CTNNA3: variants seen among roughly 807,000 people sequenced by gnomAD.
CTNNA3 encodes the protein catenin alpha 3, also known as catenin alpha-3.
CTNNA3 carries 76 observed loss-of-function variants against 95.7 expected under a neutral mutation model. The ratio of observed to expected loss-of-function variants is 0.79; its 90% CI spans 0.66 to 0.96. The LOEUF (loss-of-function observed/expected upper bound fraction) is 0.96. Among genes scored for constraint, CTNNA3 ranks in the 40% least tolerant of loss-of-function variants. The pLI, the probability that CTNNA3 is intolerant of heterozygous loss-of-function variation, is 0.00. For synonymous variants in CTNNA3, 431 were observed against 374.4 expected (o/e 1.15, Z -1.74); for missense variants, 1,191 against 1,089.8 (o/e 1.09, Z -1.31).
At chr10:67,431,431 C>T (rs1231028840) in intron 5 of CTNNA3, among the ~76,000 whole-genome samples, 2 of 151,956 alleles carry the variant, frequency 1.3e-5, no homozygotes, top group Admixed American at 1.3e-4. Context: ...TTTAGTCCTT[C>T]TAACAAACCC....
chr10:67,174,293 T>A (rs577182695), intron 7 of CTNNA3, among the ~76,000 whole-genome samples: 45 of 152,304 alleles, frequency 3.0e-4, no homozygotes, highest in African/African-American at 1.1e-3. Flanking sequence ...TAAGAGAGAT[T>A]AGTACATTAG....
At chr10:66,883,325 G>A (rs1844917319) in intron 7 of CTNNA3, among the ~76,000 whole-genome samples, 1 of 152,100 alleles carries the variant, frequency 6.6e-6, no homozygotes, top group Non-Finnish European at 1.5e-5. Flanking sequence ...GACAGGCTGA[G>A]TGGGGGAAGA....
At chr10:66,704,916 T>C (rs1351583489) in intron 9 of CTNNA3, among the ~76,000 whole-genome samples, 1 of 152,158 alleles carries the variant, frequency 6.6e-6, no homozygotes, top group Admixed American at 6.6e-5. Flanking sequence ...CTTTCCTTAG[T>C]GCACTGGCTA....
intron 11 of CTNNA3, among the ~76,000 whole-genome samples, chr10:66,416,142 T>C (rs2093144121): frequency 6.6e-6 from 1 of 152,102 alleles, no homozygotes; most frequent in African/African-American, 2.4e-5. Flanking sequence ...AGAAATCCTA[T>C]AAATGGAGAA....
rs532643840 is a variant in CTNNA3 at position 67,537,412 on chromosome 10, C to T, written c.459+2091G>A. Among the ~76,000 whole-genome samples the T allele has an allele frequency of 3.9e-5, 6 of 152,152 alleles. No individual in the cohort carries two copies. The South Asian group carries it at 1.0e-3, about 26-fold the overall frequency. ...AAGAATTGAATTAAAAGAAATAATC[C>T]AGCACAGTGTTTGGCACATTATAAA... On this transcript the variant is annotated intron_variant, in intron 4 of 17. Coordinates refer to ENST00000433211, the MANE Select transcript of CTNNA3 (RefSeq NM_013266.4).
chr10:66,471,217 C>T (rs1210629730), intron 11 of CTNNA3, among the ~76,000 whole-genome samples: 2 of 151,708 alleles, frequency 1.3e-5, no homozygotes, highest in Non-Finnish European at 2.9e-5. Flanking sequence ...AATAATTTGA[C>T]ACTTTATTTC....
intron 7 of CTNNA3, among the ~76,000 whole-genome samples, chr10:66,921,620 T>C (rs898017636): frequency 6.6e-6 from 1 of 152,198 alleles, no homozygotes; most frequent in African/African-American, 2.4e-5. Flanking sequence ...TATATACATT[T>C]AAGTCTCACA....
At chr10:67,221,571 T>A (rs1254798373) in intron 5 of CTNNA3, among the ~76,000 whole-genome samples, 2 of 140,700 alleles carry the variant, frequency 1.4e-5, no homozygotes, top group Non-Finnish European at 2.9e-5. Context: ...ATAGGAAAAA[T>A]TTTTTTCTTT....
At chr10:67,321,201 A>G (rs1429430291) in intron 5 of CTNNA3, among the ~76,000 whole-genome samples, 1 of 152,234 alleles carries the variant, frequency 6.6e-6, no homozygotes, top group Non-Finnish European at 1.5e-5. Context: ...TAATTATTCA[A>G]TCACCAATCC....
intron 2 of CTNNA3, among the ~76,000 whole-genome samples, chr10:67,632,390 CG>C (rs1365473464): frequency 2.6e-5 from 4 of 151,902 alleles, no homozygotes; most frequent in African/African-American, 9.7e-5. Context: ...ACCTCGCTGC[CG>C]GCACCAAGAT....
chr10:67,005,406 T>C (rs1291749948), intron 7 of CTNNA3, among the ~76,000 whole-genome samples: 1 of 152,124 alleles, frequency 6.6e-6, no homozygotes, highest in East Asian at 1.9e-4. Flanking sequence ...TCCTAGTTCA[T>C]TTCCTTCATT....
At chr10:66,741,595 G>C (rs1463330358) in intron 9 of CTNNA3, among the ~76,000 whole-genome samples, 1 of 152,172 alleles carries the variant, frequency 6.6e-6, no homozygotes, top group Non-Finnish European at 1.5e-5. Flanking sequence ...CTCTACAACA[G>C]GTTGGATGAG....
At chr10:66,959,783 C>T (rs1273054539) in intron 7 of CTNNA3, among the ~76,000 whole-genome samples, 5 of 152,080 alleles carry the variant, frequency 3.3e-5, no homozygotes, top group Admixed American at 3.3e-4. Context: ...TCTCTCTATC[C>T]GACCAGAAAC....
rs1447409077 is a variant in CTNNA3, at chr10:65,942,786, T to A, written c.2401-22169A>T. 2.6e-5 allele frequency among the ~76,000 whole-genome samples: 4 copies of A among 151,214 alleles called. No homozygotes were observed. In the East Asian group the frequency reaches 7.8e-4, roughly 30 times the overall value. ...TTTGTGAGACAGTAAAATGCTCTGG[T>A]TAGGAGTACAGGCTCTGGAATAAAA... is the stretch of plus-strand genomic sequence containing the variant. On this transcript the variant is annotated intron_variant, in intron 17 of 17. Transcript: ENST00000433211.
At chr10:66,521,954 G>A (rs1321992516) in intron 10 of CTNNA3, among the ~76,000 whole-genome samples, 1 of 152,174 alleles carries the variant, frequency 6.6e-6, no homozygotes, top group Non-Finnish European at 1.5e-5. Context: ...AAATGGTTTG[G>A]ATACTCATTG....
chr10:66,621,885 C>A, intron 9 of CTNNA3, 101 bp from the exon 10 acceptor site: 1 of 575,184 alleles, frequency 1.7e-6, no homozygotes, highest in South Asian at 2.9e-5. Flanking sequence ...TCAAGAATCT[C>A]AATGACAAAT....
At chr10:66,794,363 G>A (rs1841106855) in intron 7 of CTNNA3, among the ~76,000 whole-genome samples, 1 of 152,028 alleles carries the variant, frequency 6.6e-6, no homozygotes, top group Non-Finnish European at 1.5e-5. Context: ...TGGGTTTTTT[G>A]GTTTCTCAAT....
At chr10:66,085,909 G>A (rs141037670) in intron 14 of CTNNA3, among the ~76,000 whole-genome samples, 1 of 151,990 alleles carries the variant, frequency 6.6e-6, no homozygotes, top group East Asian at 1.9e-4. Context: ...TTCAAAACAT[G>A]TAAAACACCC....
intron 4 of CTNNA3, among the ~76,000 whole-genome samples, chr10:67,531,487 C>T (rs1840326685): frequency 6.6e-6 from 1 of 152,118 alleles, no homozygotes; most frequent in African/African-American, 2.4e-5. Context: ...GCCTGTAGCC[C>T]CTTTGTTTTG....
Sources: allele counts gnomAD v4.1 joint callset (sites outside exome capture counted in the v4.1 genomes callset), GRCh38; gene constraint gnomAD v4.1.1; transcripts MANE v1.5; gene names NCBI Gene and HGNC (gene_info 2026-07-23, HGNC 2026-07-21).